The following ZNF710 variants were observed in gnomAD, a reference collection of about 807,000 sequenced individuals.
The protein encoded by ZNF710 is zinc finger protein 710.
In ZNF710, 13 loss-of-function variants were observed where a neutral mutation model predicts 50.6. The observed-to-expected ratio is 0.26, with a 90% CI of 0.17 to 0.41. The LOEUF (loss-of-function observed/expected upper bound fraction) is 0.41, where lower values mean the gene tolerates loss of function less well. ZNF710 is among the 10% of genes least tolerant of loss of function. The pLI is 1.00. For synonymous variants in ZNF710, 383 were observed against 397.0 expected (o/e 0.96, Z 0.42); for missense variants, 721 against 936.6 (o/e 0.77, Z 3.01).
At chr15:89,999,276 TCG>T, upstream of ZNF710, among the ~76,000 whole-genome samples, 1 of 152,258 alleles carries the variant, frequency 6.6e-6, no homozygotes, top group Non-Finnish European at 1.5e-5. Context: ...TCTTGCTCCT[TCG>T]CCTGCAAAGC....
At chr15:90,021,018 C>CA (rs35234181) in intron 1 of ZNF710, among the ~76,000 whole-genome samples, 73,635 of 150,456 alleles carry the variant, frequency 0.49, 18,926 homozygotes, top group Non-Finnish European at 0.54. Flanking sequence ...CACCCCCCCC[C>CA]CCTTAGCAGC....
intron 1 of ZNF710, among the ~76,000 whole-genome samples, chr15:90,030,298 C>T (rs377087225): frequency 5.4e-4 from 72 of 132,218 alleles, no homozygotes; most frequent in Middle Eastern, 4.6e-3. Context: ...CATTGCATTC[C>T]GGCCTGGGCA....
At chr15:90,074,383 G>C in intron 4 of ZNF710, 93 bp downstream of exon 4, 1 of 1,582,170 alleles carries the variant, frequency 6.3e-7, no homozygotes, top group Non-Finnish European at 8.5e-7. Context: ...GGGGAGGCTG[G>C]CCAAGGCTGA....
chr15:90,068,007 C>A lies in ZNF710; in HGVS notation c.870C>A (p.Asp290Glu). The stretch of plus-strand genomic sequence containing the variant: ...ACTCCTATCTGGTGGAGGCGGGCGA[C>A]CGCCAGAAGCGCTGGCAGTGCCGCA... ...IDDSYLVEAG[D>E]RQKRWQCRMC... The change falls in exon 2 of 5, where the codon GAC becomes GAA. Residue 290 changes from aspartate to glutamate, a missense_variant. Physicochemically the swap from Asp to Glu is conservative, Grantham distance 45. Transcript: ENST00000268154. The surrounding 1 kb of genome is among the most constrained non-coding windows in gnomAD (Gnocchi z 5.0). 6.2e-7 allele frequency: 1 copy of A among 1,614,168 alleles called. No homozygotes were observed. The highest frequency in any genetic ancestry group is 8.5e-7 in the Non-Finnish European group (1 of 1,180,046).
At chr15:90,035,832 C>A (rs1302820098) in intron 1 of ZNF710, among the ~76,000 whole-genome samples, 6 of 152,294 alleles carry the variant, frequency 3.9e-5, no homozygotes, top group African/African-American at 1.4e-4. Context: ...AAATGCAGGT[C>A]TCATGTTTAA....
chr15:90,060,300 C>T (rs572908639), intron 1 of ZNF710, among the ~76,000 whole-genome samples: 1 of 152,370 alleles, frequency 6.6e-6, no homozygotes, highest in Admixed American at 6.5e-5. Context: ...GGCCTGTCAT[C>T]CCAGCACTTT....
At chr15:90,058,706 T>G (rs550209633) in intron 1 of ZNF710, among the ~76,000 whole-genome samples, 1 of 144,996 alleles carries the variant, frequency 6.9e-6, no homozygotes, top group Admixed American at 6.6e-5. Flanking sequence ...TATATTTATA[T>G]ATATATATAT....
At chr15:90,050,293 A>C (rs1012066862) in intron 1 of ZNF710, among the ~76,000 whole-genome samples, 1 of 152,132 alleles carries the variant, frequency 6.6e-6, no homozygotes, top group Admixed American at 6.5e-5. Context: ...CCCAGGGAGG[A>C]GTCATAACAC....
At chr15:90,014,627 G>T (rs1185606382) in intron 1 of ZNF710, among the ~76,000 whole-genome samples, 1 of 151,880 alleles carries the variant, frequency 6.6e-6, no homozygotes, top group Non-Finnish European at 1.5e-5. Flanking sequence ...GTTAAAGATG[G>T]TAAATATTTT....
chr15:90,011,252 T>A (rs112681494), intron 1 of ZNF710, among the ~76,000 whole-genome samples: 4,339 of 152,192 alleles, frequency 0.029, 86 homozygotes, highest in Non-Finnish European at 0.036. Flanking sequence ...TAGTTGGGAC[T>A]ACAGGCATGG....
chr15:89,998,684 C>T (rs534969822), upstream of ZNF710, among the ~76,000 whole-genome samples: 14 of 152,106 alleles, frequency 9.2e-5, no homozygotes, highest in East Asian at 1.9e-4. Context: ...GCTTATGTAC[C>T]GGACACCATG....
At chr15:90,074,630 A>G in intron 4 of ZNF710, 1 of 747,566 alleles carries the variant, frequency 1.3e-6, no homozygotes, top group Non-Finnish European at 1.9e-6. Flanking sequence ...AGATGCAGAA[A>G]CTGAAGAACA....
chr15:90,014,956 G>A (rs778202943), intron 1 of ZNF710, among the ~76,000 whole-genome samples: 3 of 149,916 alleles, frequency 2.0e-5, no homozygotes, highest in Non-Finnish European at 4.4e-5. Flanking sequence ...ACAATGGCGC[G>A]ATCTTGCCTC....
At chr15:90,002,908 C>G (rs1045551143) in intron 1 of ZNF710, among the ~76,000 whole-genome samples, 27 of 152,192 alleles carry the variant, frequency 1.8e-4, no homozygotes, top group Admixed American at 9.2e-4. Flanking sequence ...GAGTCTTGCT[C>G]TGTCGCCCAG....
rs1407672106 is a variant in ZNF710 at position 90,068,542 on chromosome 15, G to A, written c.1405G>A (p.Gly469Ser). ...GCGACCCTTCGTGTGCACTGAATGC[G>A]GCATGGAGTTCAGCCAGATTCACCA... Reference protein sequence around the residue: ...NVRPFVCTECGMEFSQIHHLK... With the variant: ...NVRPFVCTECSMEFSQIHHLK... The change falls in exon 2 of 5, where the codon GGC (glycine) becomes AGC (serine). Residue 469 changes from glycine to serine, a missense_variant. Gly to Ser is a moderately conservative substitution (Grantham distance 56). Around this residue, in one of 3 missense-constraint regions of ZNF710, gnomAD observed 326 missense variants for 522.0 expected, o/e 0.62. Coordinates refer to ENST00000268154, the MANE Select transcript of ZNF710 (RefSeq NM_198526.4). The surrounding 1 kb of genome is among the most constrained non-coding windows in gnomAD (Gnocchi z 5.0). 2 of 1,611,270 alleles carry A rather than the reference G, an allele frequency of 1.2e-6. No homozygotes were observed. The highest frequency in any genetic ancestry group is 1.7e-6 in the Non-Finnish European group (2 of 1,179,888).
chr15:90,030,084 C>A (rs949550356), intron 1 of ZNF710, among the ~76,000 whole-genome samples: 4 of 151,572 alleles, frequency 2.6e-5, no homozygotes, highest in Non-Finnish European at 5.9e-5. Flanking sequence ...AATCCCAACA[C>A]TTTGGGAGGC....
intron 1 of ZNF710, among the ~76,000 whole-genome samples, chr15:90,046,442 A>G (rs1444836177): frequency 6.6e-6 from 1 of 152,192 alleles, no homozygotes; most frequent in Non-Finnish European, 1.5e-5. Flanking sequence ...CCAGGGCCTC[A>G]GGGAAGGGGC....
At position 90,068,010 on chromosome 15, in the gene ZNF710, C is replaced by G. The variant is rs373444176; in HGVS notation, c.873C>G (p.Arg291=). 2 of 1,614,168 alleles carry G rather than the reference C, an allele frequency of 1.2e-6. No homozygotes were observed. The highest frequency in any genetic ancestry group is 1.7e-6 in the Non-Finnish European group (2 of 1,180,040). Residue 291 remains arginine, a synonymous_variant, in exon 2 of 5, where the codon CGC becomes CGG. Coordinates refer to ENST00000268154, the MANE Select transcript of ZNF710 (RefSeq NM_198526.4). This position sits in a 1 kb window ranked among gnomAD's most constrained non-coding sequence, Gnocchi z 5.0. ...DDSYLVEAGD[R]QKRWQCRMCE... ...CCTATCTGGTGGAGGCGGGCGACCG[C>G]CAGAAGCGCTGGCAGTGCCGCATGT... is the stretch of plus-strand genomic sequence containing the variant.
intron 1 of ZNF710, among the ~76,000 whole-genome samples, chr15:90,026,157 C>G (rs906048499): frequency 6.7e-6 from 1 of 150,056 alleles, no homozygotes; most frequent in African/African-American, 2.5e-5. Context: ...CAAACGTATC[C>G]AAGAGCTGAT....
Sources: allele counts gnomAD v4.1 joint callset (sites outside exome capture counted in the v4.1 genomes callset), GRCh38; gene constraint gnomAD v4.1.1; regional missense constraint gnomAD v4.1.1; non-coding constraint Gnocchi (gnomAD v3.1); transcripts MANE v1.5; gene names NCBI Gene and HGNC (gene_info 2026-07-23, HGNC 2026-07-21).